The following CDHR3 variants were observed in gnomAD, a reference collection of about 807,000 sequenced individuals.
The protein encoded by CDHR3 is cadherin-related family member 3.
Under a neutral mutation model 86.6 loss-of-function variants are expected in CDHR3, and 79 were observed. The observed-to-expected ratio is 0.91, with a 90% CI of 0.76 to 1.10. CDHR3 has a LOEUF of 1.10. Ranked by LOEUF, CDHR3 falls within the 50% of genes least tolerant of loss-of-function variation. The probability of loss-of-function intolerance (pLI) is 0.00; values close to 1 mark genes in which losing one functional copy is unlikely to be tolerated. For synonymous variants in CDHR3, 421 were observed against 402.4 expected, an observed-to-expected ratio of 1.05 and a Z score of -0.55; for missense variants, 1,081 against 1,077.6, an observed-to-expected ratio of 1.00 and a Z score of -0.04.
intron 6 of CDHR3, among the ~76,000 whole-genome samples, chr7:105,999,094 G>A (rs1419935752): frequency 2.0e-5 from 3 of 152,218 alleles, no homozygotes; most frequent in Admixed American, 2.0e-4. Context: ...CAGGTGTTAC[G>A]GGGAAGAAGG....
intron 3 of CDHR3, among the ~76,000 whole-genome samples, chr7:105,982,982 CA>C (rs57923583): frequency 0.23 from 29,996 of 130,394 alleles, 3,255 homozygotes; most frequent in South Asian, 0.33. Context: ...GACCCTATCT[CA>C]AAAAAAAAAA....
Position 106,028,580 on chromosome 7 carries a change from G to C in CDHR3, c.2302G>C (p.Val768Leu), listed in dbSNP as rs1421416591. 1 of 1,613,978 alleles carries C rather than the reference G, an allele frequency of 6.2e-7. No homozygotes were observed. Among genetic ancestry groups the C allele is most frequent in the African/African-American group, 1.3e-5 (1 of 75,054 alleles). Residue 768 changes from valine (V) to leucine (L), a missense_variant and splice_region_variant, in exon 17 of 19, where the codon GTG becomes CTG. Val to Leu is a conservative substitution (Grantham distance 32). Transcript: ENST00000317716. The stretch of plus-strand genomic sequence containing the variant: ...GAAGACTGCAGAGAGAGACGTCGTG[G>C]TGGTGAGTATGGGCAGTGTGGGGCA... ...ETKTAERDVV[V>L]ETIQMNTIFD... is the part of the protein sequence containing the mutation.
intron 1 of CDHR3, among the ~76,000 whole-genome samples, 177 bp downstream of exon 1, chr7:105,963,541 A>C (rs976592720): frequency 5.3e-5 from 8 of 152,214 alleles, no homozygotes; most frequent in African/African-American, 1.9e-4. Flanking sequence ...ACCAGGTAGG[A>C]GCCCTGGAAA....
intron 7 of CDHR3, among the ~76,000 whole-genome samples, chr7:106,003,600 A>G (rs1833510188): frequency 6.6e-6 from 1 of 152,216 alleles, no homozygotes; most frequent in Admixed American, 6.5e-5. Context: ...AGAAGTACCA[A>G]CCTAAGCTGC....
chr7:105,970,950 G>A (rs1216284855), intron 1 of CDHR3, among the ~76,000 whole-genome samples: 1 of 151,964 alleles, frequency 6.6e-6, no homozygotes, highest in African/African-American at 2.4e-5. Context: ...GACCATCCTG[G>A]CTAACACGGT....
chr7:106,021,343 C>A (rs558295856), intron 13 of CDHR3, among the ~76,000 whole-genome samples: 2 of 152,176 alleles, frequency 1.3e-5, no homozygotes, highest in African/African-American at 4.8e-5. Context: ...GGAAGCCTCT[C>A]GAGCTGGCTG....
chr7:105,976,861 G>T (rs1484083879), intron 2 of CDHR3, among the ~76,000 whole-genome samples: 1 of 152,058 alleles, frequency 6.6e-6, no homozygotes, highest in Non-Finnish European at 1.5e-5. Flanking sequence ...AGACATTTGG[G>T]TTGTCTCCAC....
At chr7:106,015,816 T>G in intron 10 of CDHR3, 111 bp from the exon 11 acceptor site, 1 of 803,972 alleles carries the variant, frequency 1.2e-6, no homozygotes, top group Non-Finnish European at 2.1e-6. Context: ...CTTAGCCACC[T>G]GGTATCCCCT....
At position 106,024,530 on chromosome 7, in the gene CDHR3, C is replaced by A; in HGVS notation, c.2226C>A (p.Cys742Ter). The change falls in exon 15 of 19, where the codon TGC (cysteine) becomes TGA (stop). Residue 742 changes from cysteine to a stop codon, truncating the protein, a stop_gained. Coordinates refer to ENST00000317716, the MANE Select transcript of CDHR3 (RefSeq NM_152750.5). LOFTEE classifies it high-confidence loss of function. ...TGGCCAAAGCCATCCACAGACACTG[C>A]CCCTGCAAGACTGGGAAGAACAAGG... ...VLLAKAIHRH[C>*]PCKTGKNKEP... 2 of 1,614,038 alleles carry A rather than the reference C, an allele frequency of 1.2e-6. No homozygotes were observed. Among genetic ancestry groups the A allele is most frequent in the Non-Finnish European group, 1.7e-6 (2 of 1,179,886 alleles).
chr7:106,031,211 C>G (rs896779509), intron 18 of CDHR3, among the ~76,000 whole-genome samples: 3 of 152,116 alleles, frequency 2.0e-5, no homozygotes. Context: ...CCCCCCCCAG[C>G]CCATCCACAT....
At chr7:105,986,881 C>T (rs1171378340) in intron 4 of CDHR3, among the ~76,000 whole-genome samples, 1 of 152,054 alleles carries the variant, frequency 6.6e-6, no homozygotes, top group African/African-American at 2.4e-5. Flanking sequence ...AGGTTTTCTT[C>T]AATTGCCAAG....
intron 2 of CDHR3, among the ~76,000 whole-genome samples, chr7:105,975,390 C>CAAG (rs1828653759): frequency 1.3e-5 from 2 of 152,192 alleles, no homozygotes; most frequent in Non-Finnish European, 2.9e-5. Flanking sequence ...ATTGATCTCC[C>CAAG]TAAAAGCCAT....
chr7:106,026,711 G>T lies in CDHR3; in HGVS notation c.2272+16G>T. On this transcript the variant is annotated intron_variant, in intron 16 of 18. Coordinates refer to ENST00000317716, the MANE Select transcript of CDHR3 (RefSeq NM_152750.5). The stretch of plus-strand genomic sequence containing the variant: ...AAGAAAGGAGGTATGTACAGTACCT[G>T]TTTCCCTTGTCTGTTGTTTTTTGCT... The T allele has an allele frequency of 6.2e-7, 1 of 1,613,390 alleles. No individual in the cohort carries two copies. The highest frequency in any genetic ancestry group is 2.2e-5 in the East Asian group (1 of 44,884).
Position 106,028,533 on chromosome 7 carries a change from C to T in CDHR3, c.2273-18C>T. 2 of 1,613,878 alleles carry T rather than the reference C, an allele frequency of 1.2e-6. No homozygotes were observed. The highest frequency in any genetic ancestry group is 1.7e-6 in the Non-Finnish European group (2 of 1,179,798). ...ACCACCCAAGAAGCTTAACTTCTGC[C>T]TGTTCTGTTCTCTGCAGAAACGAAG... On this transcript the variant is annotated intron_variant, in intron 16 of 18. Coordinates refer to ENST00000317716, the MANE Select transcript of CDHR3 (RefSeq NM_152750.5).
At chr7:106,002,806 A>T (rs910747689) in intron 7 of CDHR3, among the ~76,000 whole-genome samples, 1 of 152,226 alleles carries the variant, frequency 6.6e-6, no homozygotes, top group African/African-American at 2.4e-5. Flanking sequence ...TTTAACATGT[A>T]TAAAATATTG....
rs537153684 is a variant in CDHR3 at position 105,965,179 on chromosome 7, G to A, written c.46+1815G>A. Among the ~76,000 whole-genome samples the A allele has an allele frequency of 6.6e-5, 10 of 152,276 alleles. No individual in the cohort carries two copies. The East Asian group carries it at 1.9e-3, about 29-fold the overall frequency. ...CTGTGACACAAACTGTTTCTTTTGT[G>A]AGTCTGAGAACCTGGTCATTACCCT... On this transcript the variant is annotated intron_variant, in intron 1 of 18. Coordinates refer to ENST00000317716, the MANE Select transcript of CDHR3 (RefSeq NM_152750.5).
rs996757032 is a variant in CDHR3 at position 105,994,638 on chromosome 7, A to G, written c.514-113A>G. The G allele has an allele frequency of 3.6e-5, 27 of 748,140 alleles. No individual in the cohort carries two copies. In the Admixed American group the frequency reaches 5.1e-4, roughly 14 times the overall value. 46.3% of individuals were successfully genotyped at this position (748,140 alleles called of 1,614,324 possible). A position where few individuals can be genotyped will look rare whatever the true frequency, so the allele number is the denominator to read the frequency against. On this transcript the variant is annotated intron_variant, in intron 4 of 18. Transcript: ENST00000317716. ...TGCTCTTTGAACCGCATCCTGATGC[A>G]TCGAGAACGTTCCATGGGCTAAGAA...
At chr7:105,992,285 C>T (rs1363665428) in intron 4 of CDHR3, among the ~76,000 whole-genome samples, 1 of 152,194 alleles carries the variant, frequency 6.6e-6, no homozygotes, top group African/African-American at 2.4e-5. Flanking sequence ...TAAATCTCCT[C>T]CCCAACCCAT....
At chr7:106,012,177 T>G (rs1563283979) in intron 8 of CDHR3, among the ~76,000 whole-genome samples, 1 of 152,052 alleles carries the variant, frequency 6.6e-6, no homozygotes, top group Non-Finnish European at 1.5e-5. Flanking sequence ...TTTGCCCTCA[T>G]AGAGTTTACT....
Sources: allele counts gnomAD v4.1 joint callset (sites outside exome capture counted in the v4.1 genomes callset), GRCh38; gene constraint gnomAD v4.1.1; transcripts MANE v1.5; gene names NCBI Gene and HGNC (gene_info 2026-07-23, HGNC 2026-07-21).